GOLGA4: variants seen among roughly 807,000 people sequenced by gnomAD.
GOLGA4 encodes golgin A4, also known as golgin subfamily A member 4.
A neutral mutation model predicts 265.9 loss-of-function variants in GOLGA4; 169 were observed. That is an observed-to-expected ratio of 0.64 (90% CI 0.56 to 0.72). GOLGA4 has a LOEUF of 0.72. GOLGA4 is among the 30% of genes least tolerant of loss of function. The pLI is 0.00. For missense variants in GOLGA4, 2,482 were observed against 2,483.4 expected (o/e 1.00, Z 0.01); for synonymous variants, 923 against 855.8 (o/e 1.08, Z -1.37).
Position 37,304,109 on chromosome 3 carries a change from A to G in GOLGA4, c.1234+1777A>G, listed in dbSNP as rs759711719. The stretch of plus-strand genomic sequence containing the variant: ...TGAGAAAAAAAAAGTTACCTCATGA[A>G]GTCATAGGAATTGTGGATAGTTTTT... On this transcript the variant is annotated intron_variant, in intron 10 of 23. Transcript: ENST00000361924. Among the ~76,000 whole-genome samples the G allele has an allele frequency of 2.5e-4, 38 of 152,196 alleles. 1 individual carries two copies. The highest frequency in any genetic ancestry group is 4.6e-4 in the Admixed American group (7 of 15,278).
chr3:37,322,100 C>T (rs1206533338), intron 13 of GOLGA4, among the ~76,000 whole-genome samples: 1 of 152,254 alleles, frequency 6.6e-6, no homozygotes, highest in African/African-American at 2.4e-5. Flanking sequence ...CTTTAGCTGG[C>T]TGTATTTCTG....
chr3:37,364,431 C>T (rs1314083656), intron 23 of GOLGA4, among the ~76,000 whole-genome samples: 1 of 151,218 alleles, frequency 6.6e-6, no homozygotes, highest in Non-Finnish European at 1.5e-5. Context: ...TAGTAGAGAC[C>T]GGGTTTCACC....
chr3:37,261,104 G>C (rs1192381577), intron 2 of GOLGA4, among the ~76,000 whole-genome samples: 1 of 151,842 alleles, frequency 6.6e-6, no homozygotes, highest in Admixed American at 6.6e-5. Context: ...CCAGGAGGTC[G>C]AGGTTGCAGT....
At chr3:37,260,218 G>A (rs189079493) in intron 2 of GOLGA4, among the ~76,000 whole-genome samples, 1 of 151,316 alleles carries the variant, frequency 6.6e-6, no homozygotes, top group Admixed American at 6.6e-5. Flanking sequence ...ATGAACTTGT[G>A]TTGGGCCTCA....
intron 2 of GOLGA4, among the ~76,000 whole-genome samples, chr3:37,251,891 A>C (rs2096734939): frequency 6.6e-6 from 1 of 152,204 alleles, no homozygotes; most frequent in Admixed American, 6.6e-5. Context: ...TATGTTGCTC[A>C]GGCTGGTCTT....
At chr3:37,332,258 T>C (rs1429102696) in intron 16 of GOLGA4, among the ~76,000 whole-genome samples, 2 of 152,228 alleles carry the variant, frequency 1.3e-5, no homozygotes, top group African/African-American at 4.8e-5. Context: ...TGCTTTTCTG[T>C]GTGCCTAAAG....
chr3:37,354,389 TC>T (rs2097084468), intron 21 of GOLGA4, among the ~76,000 whole-genome samples: 1 of 152,054 alleles, frequency 6.6e-6, no homozygotes, highest in Non-Finnish European at 1.5e-5. Flanking sequence ...CCTCTCTGTC[TC>T]CCTCAAAACA....
chr3:37,335,281 C>A, intron 17 of GOLGA4, 115 bp downstream of exon 17: 1 of 609,316 alleles, frequency 1.6e-6, no homozygotes, highest in South Asian at 2.2e-5. Flanking sequence ...AATGAAAACC[C>A]TTTGAGATTT....
chr3:37,301,767 T>G (rs2096893319), intron 9 of GOLGA4, among the ~76,000 whole-genome samples: 1 of 152,152 alleles, frequency 6.6e-6, no homozygotes, highest in Non-Finnish European at 1.5e-5. Flanking sequence ...TCATTTTTTC[T>G]GCCTTTTATT....
intron 21 of GOLGA4, among the ~76,000 whole-genome samples, chr3:37,350,351 C>T (rs938878404): frequency 1.3e-5 from 2 of 152,096 alleles, no homozygotes; most frequent in Non-Finnish European, 1.5e-5. Context: ...TCTAGAAACA[C>T]GAAGAGACAA....
chr3:37,323,280 C>A (rs1259321830), intron 13 of GOLGA4, among the ~76,000 whole-genome samples: 1 of 152,032 alleles, frequency 6.6e-6, no homozygotes, highest in Non-Finnish European at 1.5e-5. Context: ...CCGCATGCTA[C>A]CATGCCCGGC....
At chr3:37,339,284 T>G (rs780111639) in intron 19 of GOLGA4, among the ~76,000 whole-genome samples, 6 of 152,238 alleles carry the variant, frequency 3.9e-5, no homozygotes, top group Non-Finnish European at 7.3e-5. Context: ...ATACTACATT[T>G]TGTTTATCCA....
At chr3:37,333,689 C>T (rs935395107) in intron 16 of GOLGA4, among the ~76,000 whole-genome samples, 1 of 151,910 alleles carries the variant, frequency 6.6e-6, no homozygotes, top group Non-Finnish European at 1.5e-5. Context: ...CAACAATTTT[C>T]GGTTGATGGT....
At chr3:37,320,749 T>C (rs2096952602) in intron 12 of GOLGA4, among the ~76,000 whole-genome samples, 1 of 152,224 alleles carries the variant, frequency 6.6e-6, no homozygotes, top group Non-Finnish European at 1.5e-5. Context: ...AACTGACCTT[T>C]GGGGACACTG....
chr3:37,289,122 T>G (rs2096858189), intron 4 of GOLGA4, 113 bp from the exon 5 acceptor site: 1 of 630,244 alleles, frequency 1.6e-6, no homozygotes, highest in Non-Finnish European at 2.8e-6. Flanking sequence ...CTTCAGGTTA[T>G]TTTTGGATAA....
At position 37,337,314 on chromosome 3, in the gene GOLGA4, T is replaced by G. The variant is rs149846176; in HGVS notation, c.6327+151T>G. 2,567 of 615,566 alleles carry G rather than the reference T, an allele frequency of 4.2e-3. 27 individuals carry two copies. Among genetic ancestry groups the G allele is most frequent in the Middle Eastern group, 0.029 (66 of 2,296 alleles). 38.1% of individuals were successfully genotyped at this position (615,566 alleles called of 1,614,324 possible). On this transcript the variant is annotated intron_variant, in intron 18 of 23. Transcript: ENST00000361924. The stretch of plus-strand genomic sequence containing the variant: ...TCCTGAGTTCAGGTATTCTCATGCC[T>G]TAGTCTCCCAAATAGCTGGGACTAC...
intron 2 of GOLGA4, among the ~76,000 whole-genome samples, chr3:37,257,523 G>T (rs554437305): frequency 2.0e-5 from 3 of 152,196 alleles, no homozygotes; most frequent in African/African-American, 7.2e-5. Flanking sequence ...CATCTCTAGT[G>T]TGGTACCTTG....
At chr3:37,337,355 C>T (rs189429839) in intron 18 of GOLGA4, among the ~76,000 whole-genome samples, 192 bp downstream of exon 18, 22 of 151,966 alleles carry the variant, frequency 1.4e-4, no homozygotes, top group Middle Eastern at 3.4e-3. Flanking sequence ...TGTGCCACCA[C>T]GCCCGGCCAA....
chr3:37,248,792 A>C (rs2096726346), intron 1 of GOLGA4, among the ~76,000 whole-genome samples: 2 of 152,200 alleles, frequency 1.3e-5, no homozygotes, highest in African/African-American at 2.4e-5. Context: ...TATGAGGCCA[A>C]GGTGTAAGAC....
Sources: allele counts gnomAD v4.1 joint callset (sites outside exome capture counted in the v4.1 genomes callset), GRCh38; gene constraint gnomAD v4.1.1; transcripts MANE v1.5; gene names NCBI Gene and HGNC (gene_info 2026-07-23, HGNC 2026-07-21).